CDK19: variants seen among roughly 807,000 people sequenced by gnomAD.
CDK19 encodes cyclin dependent kinase 19, also known as cyclin-dependent kinase 19.
CDK19 carries 20 observed loss-of-function variants against 68.3 expected under a neutral mutation model. The observed-to-expected ratio is 0.29, with a 90% confidence interval of 0.21 to 0.43. The LOEUF (loss-of-function observed/expected upper bound fraction) is 0.43. Ranked by LOEUF, CDK19 falls within the 20% of genes least tolerant of loss-of-function variation. CDK19 has a pLI of 1.00. For missense variants in CDK19, 339 were observed against 623.5 expected (o/e 0.54, Z 4.86); for synonymous variants, 221 against 222.8 (o/e 0.99, Z 0.07).
chr6:110,814,654 A>G, intron 1 of CDK19: 1 of 498,654 alleles, frequency 2.0e-6, no homozygotes, highest in Non-Finnish European at 3.9e-6. Context: ...TCCGCAGCGG[A>G]GCTCTGCCTG....
In CDK19 at chr6:110,715,635, C is replaced by G. The variant is rs55864397; in HGVS notation, c.204+30491G>C. Among the ~76,000 whole-genome samples, 581 of 152,192 alleles carry G rather than the reference C, an allele frequency of 3.8e-3. 3 individuals are homozygous for G. The highest frequency in any genetic ancestry group is 0.013 in the African/African-American group (534 of 41,506). On this transcript the variant is annotated intron_variant, in intron 2 of 12. Transcript: ENST00000368911. ...CCCGAGTACTTGAGATACAGGCGTGCGCCACACACCTGGCTAACTTTTGTA... is the reference window on the plus strand; with the variant it reads ...CCCGAGTACTTGAGATACAGGCGTGGGCCACACACCTGGCTAACTTTTGTA...
chr6:110,747,559 ATGT>A (rs2114884952), intron 1 of CDK19, among the ~76,000 whole-genome samples: 1 of 152,326 alleles, frequency 6.6e-6, no homozygotes, highest in South Asian at 2.1e-4. Flanking sequence ...ATCTACAAAT[ATGT>A]TGAAGGCAAT....
At chr6:110,645,613 G>A (rs1213488009) in intron 4 of CDK19, 2 of 245,250 alleles carry the variant, frequency 8.2e-6, no homozygotes, top group Non-Finnish European at 1.6e-5. Flanking sequence ...CATCATCCTC[G>A]GTCCCTCGGG....
At chr6:110,665,049 T>C (rs900561461) in intron 4 of CDK19, among the ~76,000 whole-genome samples, 1 of 152,226 alleles carries the variant, frequency 6.6e-6, no homozygotes, top group African/African-American at 2.4e-5. Context: ...GTTAAAGTTA[T>C]AATTGGTAAA....
At chr6:110,720,690 A>G in intron 2 of CDK19, among the ~76,000 whole-genome samples, 1 of 151,896 alleles carries the variant, frequency 6.6e-6, no homozygotes, top group Non-Finnish European at 1.5e-5. Flanking sequence ...AACATGGTGA[A>G]ACCCTGTCTC....
intron 1 of CDK19, among the ~76,000 whole-genome samples, chr6:110,804,285 A>G (rs776137134): frequency 3.3e-5 from 5 of 152,170 alleles, no homozygotes; most frequent in African/African-American, 4.8e-5. Context: ...TAAAGCCTCT[A>G]TAAGAAGAGT....
intron 1 of CDK19, among the ~76,000 whole-genome samples, chr6:110,790,496 C>T (rs1781514653): frequency 6.6e-6 from 1 of 152,130 alleles, no homozygotes; most frequent in Admixed American, 6.6e-5. Context: ...GATCACACCA[C>T]TACGCTCTAG....
intron 2 of CDK19, among the ~76,000 whole-genome samples, chr6:110,705,319 C>T (rs376755998): frequency 6.6e-6 from 1 of 152,128 alleles, no homozygotes; most frequent in Non-Finnish European, 1.5e-5. Flanking sequence ...GGATTACAGG[C>T]GTGAGCCACT....
rs1387140960 is a variant in CDK19 at position 110,812,955 on chromosome 6, AC to A, written c.128+2053del. Reference sequence around the variant, plus strand: ...GTTTACTGTAAAGTTGCAAATCTCAACCAGATCTTTCATCCAGGAAAAAAGC... The same window carrying A: ...GTTTACTGTAAAGTTGCAAATCTCAACAGATCTTTCATCCAGGAAAAAAGC... On this transcript the variant is annotated intron_variant, in intron 1 of 12. Transcript: ENST00000368911. Among the ~76,000 whole-genome samples, 172 of 152,112 alleles carry A rather than the reference AC, an allele frequency of 1.1e-3. 1 individual carries two copies. The highest frequency in any genetic ancestry group is 2.6e-4 in the Non-Finnish European group (18 of 67,982).
intron 5 of CDK19, 50 bp from the exon 6 acceptor site, chr6:110,632,211 T>C (rs747836439): frequency 2.8e-6 from 4 of 1,451,550 alleles, no homozygotes; most frequent in Non-Finnish European, 3.8e-6. Context: ...TTGTTTCTCG[T>C]CCTTTTGGCT....
intron 2 of CDK19, among the ~76,000 whole-genome samples, chr6:110,679,034 T>C (rs1582844794): frequency 6.6e-6 from 1 of 152,294 alleles, no homozygotes; most frequent in South Asian, 2.1e-4. Context: ...ATAAGCTGGA[T>C]GTAGTGGCTC....
At chr6:110,777,815 G>T (rs2115019131) in intron 1 of CDK19, among the ~76,000 whole-genome samples, 1 of 152,294 alleles carries the variant, frequency 6.6e-6, no homozygotes, top group Non-Finnish European at 1.5e-5. Flanking sequence ...GCCATAAAAA[G>T]GAGGGAAATT....
intron 1 of CDK19, among the ~76,000 whole-genome samples, chr6:110,787,974 G>C (rs1393368031): frequency 2.0e-5 from 3 of 151,796 alleles, no homozygotes; most frequent in Non-Finnish European, 4.4e-5. Context: ...TGAGGAGCTG[G>C]GATTACAGTC....
chr6:110,787,880 C>T (rs1781342781), intron 1 of CDK19, among the ~76,000 whole-genome samples: 2 of 152,174 alleles, frequency 1.3e-5, no homozygotes, highest in African/African-American at 4.8e-5. Context: ...CGCTCTGTTG[C>T]CCAGGCTGGA....
At chr6:110,762,472 CT>C (rs1374054257) in intron 1 of CDK19, among the ~76,000 whole-genome samples, 1 of 152,200 alleles carries the variant, frequency 6.6e-6, no homozygotes, top group Non-Finnish European at 1.5e-5. Context: ...ACATAAAGAA[CT>C]TGGGCTATGG....
chr6:110,617,338 G>C (rs1426225197), intron 12 of CDK19, among the ~76,000 whole-genome samples: 2 of 152,166 alleles, frequency 1.3e-5, no homozygotes, highest in African/African-American at 2.4e-5. Flanking sequence ...CCCACACCCA[G>C]AGGCAGGAAT....
intron 2 of CDK19, among the ~76,000 whole-genome samples, chr6:110,678,612 C>A (rs1408225434): frequency 1.3e-5 from 2 of 151,920 alleles, no homozygotes; most frequent in Non-Finnish European, 2.9e-5. Context: ...CTAACACTTT[C>A]AAACATACCA....
intron 2 of CDK19, among the ~76,000 whole-genome samples, chr6:110,691,836 C>G (rs1468952822): frequency 6.7e-6 from 1 of 150,052 alleles, no homozygotes; most frequent in Non-Finnish European, 1.5e-5. Context: ...TTAGTAGAGA[C>G]GGGGTTTCAC....
intron 2 of CDK19, among the ~76,000 whole-genome samples, chr6:110,710,672 G>A (rs1774873123): frequency 6.6e-6 from 1 of 152,202 alleles, no homozygotes. Flanking sequence ...GGTGGAATGG[G>A]AAAGGGTCTT....
Sources: gnomAD v4.1 joint callset for allele counts (sites outside exome capture counted in the v4.1 genomes callset) on GRCh38, gnomAD v4.1.1 for gene constraint, MANE v1.5 for transcripts, NCBI Gene and HGNC (gene_info 2026-07-23, HGNC 2026-07-21) for gene names.